SCARA3: variants seen among roughly 807,000 people sequenced by gnomAD.
SCARA3 encodes scavenger receptor class A member 3.
SCARA3 carries 39 observed loss-of-function variants against 47.0 expected under a neutral mutation model. That is an observed-to-expected ratio of 0.83 (90% CI 0.64 to 1.08). SCARA3 has a LOEUF of 1.08. Among genes scored for constraint, SCARA3 ranks in the 50% least tolerant of loss-of-function variants. The pLI is 0.00. For synonymous variants in SCARA3, 356 were observed against 334.1 expected, an observed-to-expected ratio of 1.07 and a Z score of -0.71; for missense variants, 724 against 792.3, an observed-to-expected ratio of 0.91 and a Z score of 1.04.
At chr8:27,691,954 T>C in the SCARA3 span, among the ~76,000 whole-genome samples, 2 of 151,936 alleles carry the variant, frequency 1.3e-5, no homozygotes, top group Admixed American at 6.6e-5. Context: ...AAACCAAAAA[T>C]AAAGTTCCAA....
At chr8:27,637,711 C>A (rs549812429) in intron 1 of SCARA3, among the ~76,000 whole-genome samples, 2 of 152,110 alleles carry the variant, frequency 1.3e-5, no homozygotes, top group South Asian at 4.2e-4. Context: ...GGAGAAACAA[C>A]CCCTCCTTCC....
downstream of SCARA3, among the ~76,000 whole-genome samples, chr8:27,677,266 AGCCAT>A (rs1221613408): frequency 5.9e-5 from 9 of 152,208 alleles, no homozygotes; most frequent in African/African-American, 2.2e-4. Flanking sequence ...GCCCAAACAG[AGCCAT>A]AGTCTTATGG....
chr8:27,684,401 G>C, the SCARA3 span, among the ~76,000 whole-genome samples: 1 of 152,320 alleles, frequency 6.6e-6, no homozygotes. Flanking sequence ...ATTAGAAACA[G>C]AAGTCTGGGT....
chr8:27,687,993 G>A, the SCARA3 span, among the ~76,000 whole-genome samples: 1 of 152,270 alleles, frequency 6.6e-6, no homozygotes, highest in East Asian at 1.9e-4. Flanking sequence ...TCTAGCCTGG[G>A]CGACAAGAGT....
In SCARA3 at chr8:27,671,208, C is replaced by A; in HGVS notation, c.1678C>A (p.Pro560Thr). 1 of 1,509,256 alleles carries A rather than the reference C, an allele frequency of 6.6e-7. No individual in the cohort carries two copies. Among genetic ancestry groups the A allele is most frequent in the South Asian group, 1.3e-5 (1 of 77,722 alleles). 93.5% of individuals were successfully genotyped at this position (1,509,256 alleles called of 1,614,324 possible). A position where few individuals can be genotyped will look rare whatever the true frequency, so the allele number is the denominator to read the frequency against. ...CCCGGGGTCTCCAGGGCCCTCAGGG[C>A]CTCAGGGAAAACCGGGAATTGCAGG... ...GPPGSPGPSG[P>T]QGKPGIAGKT... The change falls in exon 6 of 6, where the codon CCT becomes ACT. Residue 560 changes from proline (P) to threonine (T), a missense_variant. Pro to Thr is a conservative substitution (Grantham distance 38, BLOSUM62 -1). Coordinates refer to ENST00000301904, the MANE Select transcript of SCARA3 (RefSeq NM_016240.3).
intron 5 of SCARA3, among the ~76,000 whole-genome samples, chr8:27,660,837 GCT>G (rs1801895198): frequency 5.9e-5 from 3 of 51,092 alleles, no homozygotes; most frequent in African/African-American, 1.2e-4. Flanking sequence ...AAGATAGCTA[GCT>G]AGCTAGATAG....
the SCARA3 span, chr8:27,733,643 G>A: frequency 1.3e-5 from 2 of 152,144 alleles, no homozygotes; most frequent in Non-Finnish European, 2.9e-5. Context: ...ATTTTAGTCT[G>A]CTTCAAAATC....
At position 27,656,738 on chromosome 8, in the gene SCARA3, T is replaced by C. The variant is rs377346831; in HGVS notation, c.227-44T>C. On this transcript the variant is annotated intron_variant, in intron 3 of 5. Coordinates refer to ENST00000301904, the MANE Select transcript of SCARA3 (RefSeq NM_016240.3). ...TCTCAAGGAATGACTGCTGTTTCTC[T>C]GAGCTTAGACCCTGCCCCAGCTTCT... 333 of 1,241,560 alleles carry C rather than the reference T, an allele frequency of 2.7e-4. No homozygotes were observed. The African/African-American group carries it at 4.4e-3, about 16-fold the overall frequency. The allele number at this position is 1,241,560 out of a possible 1,614,324, so 76.9% of individuals were successfully genotyped here.
chr8:27,657,805 G>T (rs1331377732), intron 4 of SCARA3, among the ~76,000 whole-genome samples: 1 of 152,076 alleles, frequency 6.6e-6, no homozygotes. Flanking sequence ...CTCCCAAAGT[G>T]CTGGGATTAC....
At chr8:27,682,564 C>G in the SCARA3 span, among the ~76,000 whole-genome samples, 92 of 151,710 alleles carry the variant, frequency 6.1e-4, no homozygotes, top group African/African-American at 2.2e-3. Flanking sequence ...AGATAGTCCA[C>G]AAAAAAAGGT....
At position 27,646,966 on chromosome 8, in the gene SCARA3, GCCCC is replaced by G. The variant is rs869278331; in HGVS notation, c.8-2734_8-2731del. On this transcript the variant is annotated intron_variant, in intron 1 of 5. Transcript: ENST00000301904. ...AAAGCACTTGCCCGCACCCCTGACC[GCCCC>G]CGCCCCCCCCCCGCACACACACACT... 2.2e-3 allele frequency among the ~76,000 whole-genome samples: 65 copies of G among 29,842 alleles called. 12 individuals carry two copies. The highest frequency in any genetic ancestry group is 2.5e-3 in the Non-Finnish European group (43 of 16,982). The allele number at this position is 29,842 out of a possible 152,430, so 19.6% of individuals were successfully genotyped here. A position where few individuals can be genotyped will look rare whatever the true frequency, so the allele number is the denominator to read the frequency against.
At chr8:27,675,964 C>T (rs970005035), downstream of SCARA3, among the ~76,000 whole-genome samples, 1 of 152,138 alleles carries the variant, frequency 6.6e-6, no homozygotes, top group Non-Finnish European at 1.5e-5. Flanking sequence ...CCAGATAAAA[C>T]TTGAGAGCCA....
rs140895596 is a variant in SCARA3 at position 27,658,966 on chromosome 8, C to T, written c.796C>T (p.Arg266Cys). 28 of 1,614,026 alleles carry T rather than the reference C, an allele frequency of 1.7e-5. No individual in the cohort carries two copies. Among genetic ancestry groups the T allele is most frequent in the African/African-American group, 5.3e-5 (4 of 74,914 alleles). ...CTACACACGGCTCTTCAGCGGCCTG[C>T]GCACCACCTCCACCAAGACTGGAGA... is the stretch of plus-strand genomic sequence containing the variant. ...QNYTRLFSGL[R>C]TTSTKTGEAV... Residue 266 changes from arginine to cysteine, a missense_variant, in exon 5 of 6, where the codon CGC becomes TGC. Coordinates refer to ENST00000301904, the MANE Select transcript of SCARA3 (RefSeq NM_016240.3).
At position 27,671,056 on chromosome 8, in the gene SCARA3, A is replaced by T. The variant is rs1240644935; in HGVS notation, c.1526A>T (p.Glu509Val). The change falls in exon 6 of 6, where the codon GAA becomes GTA. Residue 509 changes from glutamate to valine, a missense_variant. Coordinates refer to ENST00000301904, the MANE Select transcript of SCARA3 (RefSeq NM_016240.3). ...GQPGEAGPVG[E>V]RGPVGPRGFP... ...CCTGGAGAGGCCGGGCCTGTGGGAG[A>T]AAGGGGCCCTGTTGGCCCTCGAGGG... 1 of 1,612,466 alleles carries T rather than the reference A, an allele frequency of 6.2e-7. No homozygotes were observed. The highest frequency in any genetic ancestry group is 1.1e-5 in the South Asian group (1 of 91,030).
chr8:27,725,211 C>A, the SCARA3 span, among the ~76,000 whole-genome samples: 1 of 152,022 alleles, frequency 6.6e-6, no homozygotes. Context: ...TAGAAATACA[C>A]ATCAGAGATA....
At chr8:27,634,286 T>A (rs1801199556) in intron 1 of SCARA3, 79 bp downstream of exon 1, 3 of 1,236,198 alleles carry the variant, frequency 2.4e-6, no homozygotes, top group Non-Finnish European at 3.1e-6. Context: ...GGGGCGCCTT[T>A]TCTGCAGGCG....
the SCARA3 span, among the ~76,000 whole-genome samples, chr8:27,692,157 G>A: frequency 1.3e-5 from 2 of 152,178 alleles, no homozygotes; most frequent in Admixed American, 1.3e-4. Context: ...AACAGGCCAT[G>A]TAAGGTGTCT....
chr8:27,647,763 G>A (rs1296717598), intron 1 of SCARA3, among the ~76,000 whole-genome samples: 2 of 152,194 alleles, frequency 1.3e-5, no homozygotes, highest in African/African-American at 2.4e-5. Context: ...TAAGCCATGC[G>A]TGAAGGCCGA....
At chr8:27,682,818 C>T in the SCARA3 span, among the ~76,000 whole-genome samples, 1 of 152,162 alleles carries the variant, frequency 6.6e-6, no homozygotes, top group African/African-American at 2.4e-5. Flanking sequence ...TTTTCCTGTT[C>T]CCTTCTTTTC....
Sources: gnomAD v4.1 joint callset for allele counts (sites outside exome capture counted in the v4.1 genomes callset) on GRCh38, gnomAD v4.1.1 for gene constraint, MANE v1.5 for transcripts, NCBI Gene and HGNC (gene_info 2026-07-23, HGNC 2026-07-21) for gene names.